The following KALRN variants were observed in gnomAD, a reference collection of about 807,000 sequenced individuals.
KALRN encodes kalirin RhoGEF kinase, also known as kalirin.
Under a neutral mutation model 353.7 loss-of-function variants are expected in KALRN, and 70 were observed. That is an observed-to-expected ratio of 0.20 (90% CI 0.16 to 0.24). KALRN has a LOEUF of 0.24. Among genes scored for constraint, KALRN ranks in the 10% least tolerant of loss-of-function variants. The pLI is 1.00. For missense variants in KALRN, 2,791 were observed against 3,756.7 expected (o/e 0.74, Z 6.72); for synonymous variants, 1,391 against 1,434.8 (o/e 0.97, Z 0.69).
intron 1 of KALRN, among the ~76,000 whole-genome samples, chr3:124,037,512 G>T (rs2039540951): frequency 1.3e-5 from 2 of 152,204 alleles, no homozygotes; most frequent in Admixed American, 6.5e-5. Context: ...TGGGGCAGTA[G>T]GGAGTCATTA....
intron 37 of KALRN, among the ~76,000 whole-genome samples, chr3:124,642,554 G>A (rs900146843): frequency 1.3e-5 from 2 of 152,058 alleles, no homozygotes; most frequent in African/African-American, 4.8e-5. Context: ...TATTTTGACA[G>A]CATTCATCTC....
At chr3:124,200,533 T>G (rs915587047) in intron 1 of KALRN, among the ~76,000 whole-genome samples, 1 of 152,188 alleles carries the variant, frequency 6.6e-6, no homozygotes, top group African/African-American at 2.4e-5. Flanking sequence ...CCTAATTATC[T>G]CCCAAAGGCC....
chr3:124,034,246 CG>C (rs984814146), intron 1 of KALRN, among the ~76,000 whole-genome samples: 1 of 152,062 alleles, frequency 6.6e-6, no homozygotes, highest in Non-Finnish European at 1.5e-5. Flanking sequence ...TCCTCGCCGT[CG>C]GGGGCCCGGG....
chr3:124,398,353 A>G lies in KALRN; in HGVS notation c.2172-344A>G, dbSNP rs146585096. Reference sequence around the variant, plus strand: ...GTTGGAACTATACATATTAGACTACATATATGTGTGGAACCATTCCATTTC... The same window carrying G: ...GTTGGAACTATACATATTAGACTACGTATATGTGTGGAACCATTCCATTTC... On this transcript the variant is annotated intron_variant, in intron 12 of 59. Transcript: ENST00000682506. Among the ~76,000 whole-genome samples the G allele has an allele frequency of 4.2e-4, 64 of 152,310 alleles. No individual in the cohort carries two copies. The South Asian group carries it at 7.9e-3, about 19-fold the overall frequency.
intron 34 of KALRN, among the ~76,000 whole-genome samples, chr3:124,615,200 A>T (rs1410106579): frequency 1.3e-5 from 2 of 152,204 alleles, no homozygotes; most frequent in African/African-American, 2.4e-5. Context: ...TCCTGATTTG[A>T]TGCATCATTT....
At chr3:124,591,241 A>G (rs2075740858) in intron 34 of KALRN, among the ~76,000 whole-genome samples, 1 of 152,112 alleles carries the variant, frequency 6.6e-6, no homozygotes, top group South Asian at 2.1e-4. Flanking sequence ...ATATCTGTTC[A>G]TGTTTTTCTC....
chr3:124,441,991 T>C lies in KALRN; in HGVS notation c.3245T>C (p.Ile1082Thr). 6.2e-7 allele frequency: 1 copy of C among 1,607,026 alleles called. No individual in the cohort carries two copies. The highest frequency in any genetic ancestry group is 2.2e-5 in the East Asian group (1 of 44,496). ...RRNAEVFLKYIHRNNVSMPSV... is the reference protein window; with the variant it reads ...RRNAEVFLKYTHRNNVSMPSV... ...AATGCTGAGGTGTTTCTCAAGTACA[T>C]CCACAGGAACAACGTCAGCATGCCC... Residue 1082 changes from isoleucine (I) to threonine (T), a missense_variant, in exon 19 of 60, where the codon ATC becomes ACC. Around this residue, in one of 11 missense-constraint regions of KALRN, gnomAD observed 268 missense variants for 347.0 expected, o/e 0.77. Coordinates refer to ENST00000682506, the MANE Select transcript of KALRN (RefSeq NM_001388419.1).
rs1208255204 is a variant in KALRN at position 124,069,311 on chromosome 3, TAGGAGGAGGAGGAGGAGGAGGAGGAGG to T, written c.73+35533_73+35559del. Among the ~76,000 whole-genome samples, 38 of 21,424 alleles carry T rather than the reference TAGGAGGAGGAGGAGGAGGAGGAGGAGG, an allele frequency of 1.8e-3. No homozygotes were observed. In the East Asian group the frequency reaches 0.15, roughly 82 times the overall value. 14.1% of individuals were successfully genotyped at this position (21,424 alleles called of 152,430 possible). On this transcript the variant is annotated intron_variant, in intron 1 of 59. Coordinates refer to ENST00000682506, the MANE Select transcript of KALRN (RefSeq NM_001388419.1). ...GGAGGGAAAGGAACTCATGGAAACC[TAGGAGGAGGAGGAGGAGGAGGAGGAGG>T]AGGAGGAGGAGGAGGAGGAGGAGGA...
At chr3:124,261,400 C>T (rs562272300) in intron 3 of KALRN, among the ~76,000 whole-genome samples, 3 of 152,296 alleles carry the variant, frequency 2.0e-5, no homozygotes, top group East Asian at 3.9e-4. Context: ...ATGAAATAGT[C>T]GTTTCCCCTT....
In KALRN at chr3:124,434,486, G is replaced by T; in HGVS notation, c.3009G>T (p.Leu1003Phe). ...TGAAGATGGAAGACCGGCTAAAATT[G>T]GTCAATGCCTCTGTGGCCTTTTACA... is the stretch of plus-strand genomic sequence containing the variant. ...LMLKMEDRLK[L>F]VNASVAFYKT... The change falls in exon 17 of 60, where the codon TTG becomes TTT. Residue 1003 changes from leucine (L) to phenylalanine (F), a missense_variant. Physicochemically the swap from Leu to Phe is conservative, Grantham distance 22. This residue lies in a region of KALRN where 452 missense variants were observed against 575.8 expected (regional missense o/e 0.78). Transcript: ENST00000682506. 6.2e-7 allele frequency: 1 copy of T among 1,614,212 alleles called. No homozygotes were observed. The highest frequency in any genetic ancestry group is 8.5e-7 in the Non-Finnish European group (1 of 1,180,024).
chr3:124,097,637 A>G (rs2061542619), intron 1 of KALRN, among the ~76,000 whole-genome samples: 1 of 152,256 alleles, frequency 6.6e-6, no homozygotes, highest in South Asian at 2.1e-4. Flanking sequence ...AGAACACATC[A>G]TGGAGCTGAA....
At chr3:124,147,932 C>T (rs1391563363) in intron 1 of KALRN, among the ~76,000 whole-genome samples, 2 of 152,166 alleles carry the variant, frequency 1.3e-5, no homozygotes, top group Admixed American at 6.5e-5. Context: ...TGATTCAGAG[C>T]GTAAAACCTG....
chr3:124,552,805 G>A (rs537350818), intron 33 of KALRN, among the ~76,000 whole-genome samples: 20 of 152,086 alleles, frequency 1.3e-4, no homozygotes, highest in East Asian at 3.9e-4. Context: ...CACTCTTGTC[G>A]CCCAGGCTGG....
chr3:124,361,783 T>G (rs1194399592), intron 10 of KALRN, among the ~76,000 whole-genome samples: 2 of 83,168 alleles, frequency 2.4e-5, no homozygotes, highest in Admixed American at 1.4e-4. Context: ...CCGGCTGGGG[T>G]GGGGAGTAGT....
At chr3:124,181,390 G>A (rs1038625311) in intron 1 of KALRN, among the ~76,000 whole-genome samples, 7 of 152,116 alleles carry the variant, frequency 4.6e-5, no homozygotes, top group African/African-American at 1.2e-4. Context: ...ACCACACCAA[G>A]CAAGAGTCCT....
At chr3:124,627,527 G>T (rs538562605) in intron 34 of KALRN, among the ~76,000 whole-genome samples, 1 of 152,196 alleles carries the variant, frequency 6.6e-6, no homozygotes, top group African/African-American at 2.4e-5. Flanking sequence ...CATCTGTCTC[G>T]CCTGGTAACG....
At chr3:124,207,427 G>A (rs1298389519) in intron 1 of KALRN, among the ~76,000 whole-genome samples, 3 of 152,154 alleles carry the variant, frequency 2.0e-5, no homozygotes, top group Non-Finnish European at 4.4e-5. Flanking sequence ...TAACTGTCCC[G>A]AAACTCGGGG....
chr3:124,565,088 T>C (rs1416812506), intron 34 of KALRN, among the ~76,000 whole-genome samples: 1 of 152,178 alleles, frequency 6.6e-6, no homozygotes, highest in Non-Finnish European at 1.5e-5. Flanking sequence ...TGGAGTGCCA[T>C]CTGGTCTACC....
At chr3:124,705,802 CCCTT>C (rs1024700710) in intron 57 of KALRN, among the ~76,000 whole-genome samples, 6 of 149,134 alleles carry the variant, frequency 4.0e-5, no homozygotes, top group South Asian at 2.1e-4. Context: ...ACTGGTCCCT[CCCTT>C]CCTTCCTTCC....
Sources: allele counts gnomAD v4.1 joint callset (sites outside exome capture counted in the v4.1 genomes callset), GRCh38; gene constraint gnomAD v4.1.1; regional missense constraint gnomAD v4.1.1; transcripts MANE v1.5; gene names NCBI Gene and HGNC (gene_info 2026-07-23, HGNC 2026-07-21).